TENM4: variants seen among roughly 807,000 people sequenced by gnomAD.
TENM4 encodes teneurin transmembrane protein 4.
In TENM4, 82 loss-of-function variants were observed where a neutral mutation model predicts 243.3. The observed-to-expected ratio is 0.34, with a 90% CI of 0.28 to 0.40. The LOEUF (loss-of-function observed/expected upper bound fraction) is 0.40. Among genes scored for constraint, TENM4 ranks in the 10% least tolerant of loss-of-function variants. The probability of loss-of-function intolerance (pLI) is 1.00; values close to 1 mark genes in which losing one functional copy is unlikely to be tolerated. For missense variants in TENM4, 3,138 were observed against 3,673.3 expected, an observed-to-expected ratio of 0.85 and a Z score of 3.77; for synonymous variants, 1,412 against 1,456.3, an observed-to-expected ratio of 0.97 and a Z score of 0.69.
At chr11:79,266,564 T>C (rs550045662) in intron 2 of TENM4, among the ~76,000 whole-genome samples, 1 of 152,214 alleles carries the variant, frequency 6.6e-6, no homozygotes, top group South Asian at 2.1e-4. Context: ...TAGGCCCTTA[T>C]CTTTGCTACT....
At chr11:78,753,249 T>C (rs1209500377) in intron 19 of TENM4, among the ~76,000 whole-genome samples, 2 of 152,240 alleles carry the variant, frequency 1.3e-5, no homozygotes, top group African/African-American at 4.8e-5. Flanking sequence ...TGCTTTATTT[T>C]AGTTTATCCT....
intron 3 of TENM4, among the ~76,000 whole-genome samples, chr11:79,196,240 C>A (rs1282410498): frequency 6.6e-6 from 1 of 152,058 alleles, no homozygotes; most frequent in African/African-American, 2.4e-5. Context: ...CAAGCCTGGA[C>A]TGAGGGGAGA....
At chr11:78,968,188 C>A (rs1857474826) in intron 6 of TENM4, among the ~76,000 whole-genome samples, 1 of 152,198 alleles carries the variant, frequency 6.6e-6, no homozygotes, top group Non-Finnish European at 1.5e-5. Context: ...TCTCCCTTTG[C>A]CTTCTGCGAT....
intron 4 of TENM4, among the ~76,000 whole-genome samples, chr11:79,114,467 C>T (rs1861575775): frequency 6.6e-6 from 1 of 152,198 alleles, no homozygotes; most frequent in Admixed American, 6.5e-5. Context: ...TAAAAGTCCC[C>T]TCTCTTCAAA....
chr11:78,992,835 G>A (rs1413429019), intron 6 of TENM4, among the ~76,000 whole-genome samples: 7 of 152,112 alleles, frequency 4.6e-5, no homozygotes, highest in African/African-American at 1.7e-4. Context: ...CTCATTATAA[G>A]ACTTTAATTA....
intron 18 of TENM4, among the ~76,000 whole-genome samples, chr11:78,770,328 G>A (rs1856621423): frequency 6.6e-6 from 1 of 152,212 alleles, no homozygotes; most frequent in Non-Finnish European, 1.5e-5. Flanking sequence ...TAAATAGGGA[G>A]AGTGAGGCTC....
chr11:78,726,635 G>A (rs1037615745), intron 22 of TENM4, among the ~76,000 whole-genome samples: 2 of 152,124 alleles, frequency 1.3e-5, no homozygotes, highest in African/African-American at 2.4e-5. Context: ...GAACGGCTTG[G>A]CACCATCCTC....
chr11:79,199,688 T>C (rs1218551265), intron 3 of TENM4, among the ~76,000 whole-genome samples: 3 of 152,220 alleles, frequency 2.0e-5, no homozygotes, highest in Non-Finnish European at 4.4e-5. Context: ...GGTGCCCTTG[T>C]AGTCTAAGAA....
At position 79,286,069 on chromosome 11, in the gene TENM4, C is replaced by T. The variant is rs1012312943; in HGVS notation, c.-265+11419G>A. ...ATCTCAATAATGCTGCTACAGAAAACGTATGCAAGAAAGAGGCTATAGGGA... is the reference window on the plus strand; with the variant it reads ...ATCTCAATAATGCTGCTACAGAAAATGTATGCAAGAAAGAGGCTATAGGGA... On this transcript the variant is annotated intron_variant, in intron 2 of 33. Coordinates refer to ENST00000278550, the MANE Select transcript of TENM4 (RefSeq NM_001098816.3). Among the ~76,000 whole-genome samples the T allele has an allele frequency of 3.9e-5, 6 of 151,924 alleles. No individual in the cohort carries two copies. The South Asian group carries it at 1.0e-3, about 26-fold the overall frequency.
chr11:78,921,440 A>G (rs1363472534), intron 6 of TENM4, among the ~76,000 whole-genome samples: 1 of 152,186 alleles, frequency 6.6e-6, no homozygotes, highest in African/African-American at 2.4e-5. Flanking sequence ...ATTTAGGAAT[A>G]TTTCTAGATG....
At chr11:79,378,464 G>A (rs1313125065) in intron 1 of TENM4, among the ~76,000 whole-genome samples, 1 of 152,230 alleles carries the variant, frequency 6.6e-6, no homozygotes, top group Non-Finnish European at 1.5e-5. Context: ...AGGAGCATGG[G>A]AGGAATAATC....
intron 16 of TENM4, among the ~76,000 whole-genome samples, chr11:78,780,228 T>A (rs1856814525): frequency 6.6e-6 from 1 of 152,246 alleles, no homozygotes; most frequent in African/African-American, 2.4e-5. Context: ...GAAATACCTC[T>A]GGCTAAAGGG....
chr11:79,006,841 A>G (rs1858498061), intron 6 of TENM4, among the ~76,000 whole-genome samples: 1 of 152,262 alleles, frequency 6.6e-6, no homozygotes, highest in Admixed American at 6.5e-5. Context: ...TGGACCACAG[A>G]GCACAGATAT....
intron 27 of TENM4, among the ~76,000 whole-genome samples, chr11:78,707,780 G>C (rs1399371572): frequency 1.3e-5 from 2 of 152,190 alleles, no homozygotes; most frequent in Non-Finnish European, 2.9e-5. Flanking sequence ...TGGATGCATT[G>C]TTTCATGTAT....
At chr11:79,139,803 A>G (rs1354846259) in intron 4 of TENM4, among the ~76,000 whole-genome samples, 20 of 114,186 alleles carry the variant, frequency 1.8e-4, no homozygotes, top group African/African-American at 5.9e-4. Context: ...ATATAAATAT[A>G]TAATATATAT....
chr11:79,248,515 C>T (rs530846817), intron 2 of TENM4, among the ~76,000 whole-genome samples: 35 of 152,192 alleles, frequency 2.3e-4, no homozygotes, highest in African/African-American at 7.5e-4. Flanking sequence ...TCAACTGTGT[C>T]GGTAATTTCA....
chr11:78,982,735 C>T (rs1857829182), intron 6 of TENM4, among the ~76,000 whole-genome samples: 1 of 152,242 alleles, frequency 6.6e-6, no homozygotes, highest in Non-Finnish European at 1.5e-5. Context: ...AGATGGCTCT[C>T]CACGTCAAAA....
chr11:78,874,962 C>T (rs1333521385), intron 9 of TENM4, among the ~76,000 whole-genome samples: 2 of 152,178 alleles, frequency 1.3e-5, no homozygotes, highest in African/African-American at 2.4e-5. Flanking sequence ...TGACATGTTA[C>T]GCCAGTGACA....
intron 1 of TENM4, among the ~76,000 whole-genome samples, chr11:79,431,586 T>C (rs1202915287): frequency 6.6e-6 from 1 of 152,218 alleles, no homozygotes; most frequent in African/African-American, 2.4e-5. Flanking sequence ...GGAGAGTACC[T>C]GTCTCCCAGC....
Sources: allele counts gnomAD v4.1 joint callset (sites outside exome capture counted in the v4.1 genomes callset), GRCh38; gene constraint gnomAD v4.1.1; transcripts MANE v1.5; gene names NCBI Gene and HGNC (gene_info 2026-07-23, HGNC 2026-07-21).